Variants in CCSER2 observed in about 807,000 individuals in gnomAD.
CCSER2 encodes serine-rich coiled-coil domain-containing protein 2.
CCSER2 carries 46 observed loss-of-function variants against 92.3 expected under a neutral mutation model. The observed-to-expected ratio is 0.50, with a 90% confidence interval of 0.39 to 0.64. The LOEUF (loss-of-function observed/expected upper bound fraction) is 0.64. Ranked by LOEUF, CCSER2 falls within the 30% of genes least tolerant of loss-of-function variation. CCSER2 has a pLI of 0.00. For synonymous variants in CCSER2, 433 were observed against 431.4 expected (o/e 1.00, Z -0.04); for missense variants, 1,244 against 1,238.9 (o/e 1.00, Z -0.06).
intron 1 of CCSER2, among the ~76,000 whole-genome samples, chr10:84,334,399 A>G (rs956838362): frequency 3.3e-5 from 5 of 152,218 alleles, no homozygotes; most frequent in South Asian, 2.1e-4. Context: ...GAATTGACCA[A>G]TCATAGTATG....
At chr10:84,411,432 A>G (rs1358482625) in intron 3 of CCSER2, among the ~76,000 whole-genome samples, 3 of 152,188 alleles carry the variant, frequency 2.0e-5, no homozygotes, top group Admixed American at 6.5e-5. Context: ...CCAACCATCC[A>G]TGAGTGTGGA....
chr10:84,500,336 A>T (rs189519181), intron 9 of CCSER2, among the ~76,000 whole-genome samples: 376 of 152,318 alleles, frequency 2.5e-3, no homozygotes, highest in Middle Eastern at 0.014. Flanking sequence ...CAATGGTATG[A>T]TGGACAGATG....
chr10:84,378,291 A>C (rs1159586209), intron 3 of CCSER2, among the ~76,000 whole-genome samples: 1 of 152,000 alleles, frequency 6.6e-6, no homozygotes, highest in East Asian at 1.9e-4. Context: ...AGTGTGGTAG[A>C]TTGCATGGCT....
chr10:84,347,623 G>C (rs1201484030), intron 1 of CCSER2, among the ~76,000 whole-genome samples: 2 of 151,976 alleles, frequency 1.3e-5, no homozygotes, highest in Non-Finnish European at 2.9e-5. Flanking sequence ...CTCCCGGATG[G>C]GGTGGCTGCT....
chr10:84,336,396 AAGC>A (rs748127454), intron 1 of CCSER2, among the ~76,000 whole-genome samples: 3 of 152,230 alleles, frequency 2.0e-5, no homozygotes, highest in East Asian at 3.8e-4. Context: ...TGTGGAGAAA[AAGC>A]AGGAAGAGGT....
At chr10:84,404,825 G>A (rs73321621) in intron 3 of CCSER2, among the ~76,000 whole-genome samples, 3,424 of 152,146 alleles carry the variant, frequency 0.023, 127 homozygotes, top group African/African-American at 0.074. Context: ...AAACACTTAG[G>A]TATAAATCTA....
At chr10:84,367,995 A>G (rs1206030868) in intron 1 of CCSER2, among the ~76,000 whole-genome samples, 1 of 152,100 alleles carries the variant, frequency 6.6e-6, no homozygotes, top group East Asian at 1.9e-4. Flanking sequence ...TAAATGTCCT[A>G]TACCAGTCTC....
At chr10:84,433,894 A>G (rs1843940980) in intron 5 of CCSER2, among the ~76,000 whole-genome samples, 1 of 152,094 alleles carries the variant, frequency 6.6e-6, no homozygotes, top group Non-Finnish European at 1.5e-5. Context: ...GCCTTCACCC[A>G]TATCTCTAAT....
Position 84,371,609 on chromosome 10 carries a change from A to G in CCSER2, c.557A>G (p.Gln186Arg). The change falls in exon 2 of 10, where the codon CAA becomes CGA. Residue 186 changes from glutamine (Q) to arginine (R), a missense_variant. Transcript: ENST00000372088. The part of the protein sequence containing the change: ...FYGNRSAGSM[Q>R]RPRANSCATR... Reference sequence around the variant, plus strand: ...GGAAACCGATCAGCTGGTAGCATGCAAAGGCCTAGAGCGAACTCCTGTGCC... The same window carrying G: ...GGAAACCGATCAGCTGGTAGCATGCGAAGGCCTAGAGCGAACTCCTGTGCC... 9 of 1,613,622 alleles carry G rather than the reference A, an allele frequency of 5.6e-6. 1 individual carries two copies. Among genetic ancestry groups the G allele is most frequent in the Non-Finnish European group, 6.8e-6 (8 of 1,179,772 alleles).
chr10:84,449,107 G>T (rs1307383030), intron 6 of CCSER2, among the ~76,000 whole-genome samples: 2 of 152,224 alleles, frequency 1.3e-5, no homozygotes, highest in African/African-American at 4.8e-5. Context: ...AGGCGCGGTG[G>T]CCCATGCCTG....
chr10:84,445,469 T>C (rs1303262468), intron 6 of CCSER2, among the ~76,000 whole-genome samples: 1 of 152,230 alleles, frequency 6.6e-6, no homozygotes, highest in Admixed American at 6.5e-5. Flanking sequence ...TCTTTAAGTC[T>C]CTATACCCTG....
At chr10:84,394,246 CTG>C (rs1261436454) in intron 3 of CCSER2, among the ~76,000 whole-genome samples, 3 of 152,168 alleles carry the variant, frequency 2.0e-5, no homozygotes, top group Non-Finnish European at 2.9e-5. Context: ...TCTGAGGACA[CTG>C]AGGTGGATAA....
chr10:84,432,622 A>T (rs1351062420), intron 5 of CCSER2, among the ~76,000 whole-genome samples: 1 of 152,218 alleles, frequency 6.6e-6, no homozygotes, highest in Non-Finnish European at 1.5e-5. Flanking sequence ...TATATTTTAG[A>T]TACCAATCCT....
At chr10:84,434,804 G>A (rs1476549398) in intron 5 of CCSER2, among the ~76,000 whole-genome samples, 6 of 152,096 alleles carry the variant, frequency 3.9e-5, no homozygotes, top group Non-Finnish European at 7.4e-5. Flanking sequence ...TTATAGATTA[G>A]GAAATGAAGC....
chr10:84,425,637 T>C, intron 4 of CCSER2, 94 bp from the exon 5 acceptor site: 1 of 791,880 alleles, frequency 1.3e-6, no homozygotes, highest in Non-Finnish European at 1.8e-6. Flanking sequence ...CTATTATTTT[T>C]ATTTGATTTA....
In CCSER2 at chr10:84,372,199, C is replaced by T. The variant is rs1846098175; in HGVS notation, c.1147C>T (p.His383Tyr). The change falls in exon 2 of 10, where the codon CAT becomes TAT. Residue 383 changes from histidine to tyrosine, a missense_variant. By Grantham distance (83) the His-to-Tyr change is moderately conservative. Coordinates refer to ENST00000372088, the MANE Select transcript of CCSER2 (RefSeq NM_001284240.2). ...YRTKNNQTMK[H>Y]DAKMRYLSDD... ...AACAAAAAACAACCAGACCATGAAA[C>T]ATGATGCTAAAATGAGATACCTGAG... 1 of 1,613,550 alleles carries T rather than the reference C, an allele frequency of 6.2e-7. No homozygotes were observed. Among genetic ancestry groups the T allele is most frequent in the African/African-American group, 1.3e-5 (1 of 75,012 alleles).
intron 3 of CCSER2, 127 bp from the exon 4 acceptor site, chr10:84,417,644 C>T: frequency 2.1e-6 from 1 of 466,438 alleles, no homozygotes; most frequent in East Asian, 3.2e-5. Flanking sequence ...ACTTGAAAAC[C>T]TATTTTATTC....
At chr10:84,442,668 T>G (rs1844647184) in intron 6 of CCSER2, among the ~76,000 whole-genome samples, 1 of 152,224 alleles carries the variant, frequency 6.6e-6, no homozygotes, top group Admixed American at 6.5e-5. Context: ...GGTATGTGCC[T>G]TATCCAGTGA....
chr10:84,463,676 A>G (rs1409053245), intron 6 of CCSER2, among the ~76,000 whole-genome samples: 1 of 152,194 alleles, frequency 6.6e-6, no homozygotes, highest in Non-Finnish European at 1.5e-5. Flanking sequence ...TCTGTATTTC[A>G]GCCGCTTATA....
Sources: gnomAD v4.1 joint callset for allele counts (sites outside exome capture counted in the v4.1 genomes callset) on GRCh38, gnomAD v4.1.1 for gene constraint, MANE v1.5 for transcripts, NCBI Gene and HGNC (gene_info 2026-07-23, HGNC 2026-07-21) for gene names.